The following TCF7L2 variants were observed in gnomAD, a reference collection of about 807,000 sequenced individuals.
TCF7L2 encodes the protein transcription factor 7-like 2.
In TCF7L2, 23 loss-of-function variants were observed where a neutral mutation model predicts 77.9. That is an observed-to-expected ratio of 0.30 (90% CI 0.21 to 0.42). The LOEUF (loss-of-function observed/expected upper bound fraction) is 0.42. TCF7L2 is among the 10% of genes least tolerant of loss of function. The pLI, the probability that TCF7L2 is intolerant of heterozygous loss-of-function variation, is 1.00. For missense variants in TCF7L2, 654 were observed against 793.1 expected (o/e 0.82, Z 2.11); for synonymous variants, 413 against 340.2 (o/e 1.21, Z -2.36).
chr10:113,113,651 G>A (rs1253760625), intron 5 of TCF7L2, among the ~76,000 whole-genome samples: 1 of 152,188 alleles, frequency 6.6e-6, no homozygotes, highest in African/African-American at 2.4e-5. Flanking sequence ...AAAGAACTGT[G>A]TGGTTTCTCT....
chr10:113,134,516 G>A (rs915412379), intron 5 of TCF7L2, among the ~76,000 whole-genome samples: 1 of 152,214 alleles, frequency 6.6e-6, no homozygotes, highest in Non-Finnish European at 1.5e-5. Context: ...ACCCTCACAG[G>A]CTGGAAAAAC....
At chr10:113,018,242 A>T (rs1001730107) in intron 4 of TCF7L2, among the ~76,000 whole-genome samples, 1 of 152,024 alleles carries the variant, frequency 6.6e-6, no homozygotes, top group Non-Finnish European at 1.5e-5. Context: ...ACCCACTCTT[A>T]AGAGGTGGGA....
In TCF7L2 at chr10:112,982,786, G is replaced by A. The variant is rs11196178; in HGVS notation, c.450+18162G>A. On this transcript the variant is annotated intron_variant, in intron 4 of 13. Coordinates refer to ENST00000627217, the MANE Select transcript of TCF7L2 (RefSeq NM_001146274.2). ...ACTACAGGCACGCACTACCACGCCC[G>A]GCTAATTTTTGTATTTTTAGTAGAG... is the stretch of plus-strand genomic sequence containing the variant. Among the ~76,000 whole-genome samples the A allele has an allele frequency of 3.1e-3, 473 of 152,100 alleles. 7 individuals carry two copies. In the East Asian group the frequency reaches 0.055, roughly 18 times the overall value.
At chr10:113,010,154 C>T (rs1338960449) in intron 4 of TCF7L2, among the ~76,000 whole-genome samples, 1 of 152,004 alleles carries the variant, frequency 6.6e-6, no homozygotes, top group East Asian at 1.9e-4. Context: ...TGGGCAGGGC[C>T]TTCTCCTAGT....
chr10:113,058,800 A>G (rs775704599), intron 5 of TCF7L2, among the ~76,000 whole-genome samples: 2 of 152,092 alleles, frequency 1.3e-5, no homozygotes, highest in African/African-American at 2.4e-5. Flanking sequence ...ACAGGGTTTG[A>G]TAGTAAGCAG....
rs757153583 is a variant in TCF7L2 at position 113,158,632 on chromosome 10, T to C, written c.1318+563T>C. 1.2e-4 allele frequency: 196 copies of C among 1,611,458 alleles called. 1 individual carries two copies. The highest frequency in any genetic ancestry group is 1.5e-5 in the Non-Finnish European group (18 of 1,179,478). ...TTTACAAACAAACAAAACAAAAATT[T>C]TGAAGGCTTTGTATAATTTGTTCTT... On this transcript the variant is annotated intron_variant, in intron 12 of 13. Transcript: ENST00000627217.
intron 4 of TCF7L2, among the ~76,000 whole-genome samples, chr10:113,005,562 G>A (rs115528592): frequency 1.4e-4 from 21 of 152,272 alleles, no homozygotes; most frequent in African/African-American, 5.1e-4. Context: ...CTCCTACAGT[G>A]CCCTGAGCTG....
chr10:113,057,004 T>C (rs2055501108), intron 5 of TCF7L2, among the ~76,000 whole-genome samples: 1 of 152,232 alleles, frequency 6.6e-6, no homozygotes, highest in Non-Finnish European at 1.5e-5. Context: ...TCTGTGTATG[T>C]CAGAAGACCA....
intron 4 of TCF7L2, among the ~76,000 whole-genome samples, chr10:113,036,868 G>A (rs901730245): frequency 1.3e-5 from 2 of 152,078 alleles, no homozygotes; most frequent in African/African-American, 4.8e-5. Context: ...TTTGTAGTGG[G>A]ATGGTGGGAA....
At chr10:113,156,017 C>A (rs2071793697) in intron 11 of TCF7L2, among the ~76,000 whole-genome samples, 1 of 152,214 alleles carries the variant, frequency 6.6e-6, no homozygotes, top group Admixed American at 6.5e-5. Context: ...ATTTCTACAA[C>A]AGATGGCCCT....
At chr10:113,152,220 T>A in intron 10 of TCF7L2, 113 bp from the exon 11 acceptor site, 1 of 984,734 alleles carries the variant, frequency 1.0e-6, no homozygotes, top group South Asian at 1.3e-5. Context: ...CTGGACGGAC[T>A]CACCCAAAAA....
chr10:113,058,918 G>A (rs901983534), intron 5 of TCF7L2, among the ~76,000 whole-genome samples: 2 of 152,206 alleles, frequency 1.3e-5, no homozygotes, highest in Non-Finnish European at 2.9e-5. Context: ...TGCCCGCTCT[G>A]CAAACAGGAA....
At chr10:112,992,069 G>C (rs990518325) in intron 4 of TCF7L2, among the ~76,000 whole-genome samples, 1 of 152,172 alleles carries the variant, frequency 6.6e-6, no homozygotes, top group East Asian at 1.9e-4. Context: ...CAAGAGCTCC[G>C]TTGTTCATTC....
At chr10:113,119,616 G>C (rs2064427941) in intron 5 of TCF7L2, among the ~76,000 whole-genome samples, 1 of 151,238 alleles carries the variant, frequency 6.6e-6, no homozygotes, top group South Asian at 2.1e-4. Flanking sequence ...AAAGTTCTTG[G>C]CCACATGTCT....
At chr10:113,010,032 G>T (rs979690249) in intron 4 of TCF7L2, among the ~76,000 whole-genome samples, 1 of 151,750 alleles carries the variant, frequency 6.6e-6, no homozygotes. Context: ...TCATTGTTCC[G>T]TTATCTAGTT....
intron 5 of TCF7L2, among the ~76,000 whole-genome samples, chr10:113,056,497 T>G (rs968925989): frequency 2.0e-5 from 3 of 151,986 alleles, no homozygotes; most frequent in African/African-American, 7.3e-5. Context: ...ATATTTCATG[T>G]AACTGAAACG....
chr10:113,129,931 T>C, intron 5 of TCF7L2: 2 of 1,294,186 alleles, frequency 1.5e-6, no homozygotes, highest in Non-Finnish European at 2.0e-6. Flanking sequence ...CGCAGTGGCC[T>C]CCGGGGTCTC....
intron 5 of TCF7L2, among the ~76,000 whole-genome samples, chr10:113,118,356 T>C: frequency 6.6e-6 from 1 of 152,192 alleles, no homozygotes; most frequent in East Asian, 1.9e-4. Context: ...AACTTGTTTC[T>C]TAAAGAAGAG....
At chr10:113,006,866 G>A (rs139255450) in intron 4 of TCF7L2, among the ~76,000 whole-genome samples, 5 of 152,132 alleles carry the variant, frequency 3.3e-5, no homozygotes, top group African/African-American at 4.8e-5. Flanking sequence ...TCACCCCTCC[G>A]GCCACGCTGG....
Sources: gnomAD v4.1 joint callset for allele counts (sites outside exome capture counted in the v4.1 genomes callset) on GRCh38, gnomAD v4.1.1 for gene constraint, MANE v1.5 for transcripts, NCBI Gene and HGNC (gene_info 2026-07-23, HGNC 2026-07-21) for gene names.